DOLPP1: variants seen among roughly 807,000 people sequenced by gnomAD.
DOLPP1 encodes dolichyl pyrophosphate phosphatase 1.
A neutral mutation model predicts 34.1 loss-of-function variants in DOLPP1; 15 were observed. That is an observed-to-expected ratio of 0.44 (90% CI 0.29 to 0.68). The LOEUF is 0.68. Among genes scored for constraint, DOLPP1 ranks in the 30% least tolerant of loss-of-function variants. DOLPP1 has a pLI of 0.12. For synonymous variants in DOLPP1, 130 were observed against 128.2 expected (o/e 1.01, Z -0.10); for missense variants, 249 against 307.1 (o/e 0.81, Z 1.41).
chr9:129,086,092 C>G (rs375684029), intron 5 of DOLPP1, 47 bp from the exon 6 acceptor site: 1 of 1,598,018 alleles, frequency 6.3e-7, no homozygotes, highest in African/African-American at 1.3e-5. Flanking sequence ...TTGTGCGGGC[C>G]TGTGTCTGAC....
chr9:129,085,921 C>T lies in DOLPP1; in HGVS notation c.462-218C>T, dbSNP rs970493761. Among the ~76,000 whole-genome samples the T allele has an allele frequency of 6.6e-6, 1 of 152,240 alleles. No homozygotes were observed. Among genetic ancestry groups the T allele is most frequent in the African/African-American group, 2.4e-5 (1 of 41,466 alleles). On this transcript the variant is annotated intron_variant, in intron 5 of 7. Transcript: ENST00000372546. The surrounding 1 kb of genome is among the most constrained non-coding windows in gnomAD (Gnocchi z 7.0). Reference sequence around the variant, plus strand: ...TAGATGGGAGGCAGGCAGATCCCAGCTGGCCCTTCACTGCTACAGATGGGA... The same window carrying T: ...TAGATGGGAGGCAGGCAGATCCCAGTTGGCCCTTCACTGCTACAGATGGGA...
chr9:129,087,115 T>C (rs1297427019), intron 7 of DOLPP1, among the ~76,000 whole-genome samples: 1 of 152,116 alleles, frequency 6.6e-6, no homozygotes, highest in East Asian at 1.9e-4. Flanking sequence ...GGCTCCTGTG[T>C]GTGGACATCC....
At chr9:129,084,615 C>A (rs964454203) in intron 1 of DOLPP1, 53 bp from the exon 2 acceptor site, 7 of 1,283,546 alleles carry the variant, frequency 5.5e-6, no homozygotes, top group Non-Finnish European at 8.0e-6. Flanking sequence ...GGGGCTGGTC[C>A]CTCTTCTGAT....
At position 129,089,041 on chromosome 9, in the gene DOLPP1, T is replaced by G; in HGVS notation, c.*34T>G. On this transcript the variant is annotated 3_prime_UTR_variant, in exon 8 of 8. Transcript: ENST00000372546. This position sits in a 1 kb window ranked among gnomAD's most constrained non-coding sequence, Gnocchi z 4.9. ...TGTGGCTGGGTCCAGCCTCCAGATCTGGCCCGCACGATGCCTTGCAGGATG... is the reference window on the plus strand; with the variant it reads ...TGTGGCTGGGTCCAGCCTCCAGATCGGGCCCGCACGATGCCTTGCAGGATG... 1 of 1,611,254 alleles carries G rather than the reference T, an allele frequency of 6.2e-7. No homozygotes were observed. The highest frequency in any genetic ancestry group is 8.5e-7 in the Non-Finnish European group (1 of 1,177,898).
In DOLPP1 at chr9:129,089,365, G is replaced by A. The variant is rs1294749817; in HGVS notation, c.*358G>A. 4.4e-6 allele frequency: 1 copy of A among 225,734 alleles called. No homozygotes were observed. Among genetic ancestry groups the A allele is most frequent in the Non-Finnish European group, 8.9e-6 (1 of 112,672 alleles). 14.0% of individuals were successfully genotyped at this position (225,734 alleles called of 1,614,324 possible). On this transcript the variant is annotated 3_prime_UTR_variant, in exon 8 of 8. Coordinates refer to ENST00000372546, the MANE Select transcript of DOLPP1 (RefSeq NM_020438.5). This position sits in a 1 kb window ranked among gnomAD's most constrained non-coding sequence, Gnocchi z 4.9. ...CCAGGAATTCCAGGTGGCGTGAGAA[G>A]TACACACTATTTATTTTTTGGTTTT...
At chr9:129,087,698 C>T (rs1275823545) in intron 7 of DOLPP1, among the ~76,000 whole-genome samples, 2 of 139,622 alleles carry the variant, frequency 1.4e-5, no homozygotes, top group Non-Finnish European at 3.1e-5. Context: ...CTGAGAGGGA[C>T]TGTGGGGCGG....
chr9:129,085,319 C>G lies in DOLPP1; in HGVS notation c.362+13C>G. On this transcript the variant is annotated intron_variant, in intron 4 of 7. Transcript: ENST00000372546. The surrounding 1 kb of genome is among the most constrained non-coding windows in gnomAD (Gnocchi z 7.0). The stretch of plus-strand genomic sequence containing the variant: ...TCCTGTATTTAAGGTGAGTTTCCAC[C>G]CCGGTCAGGATGGCCCTGAACTTGC... 1 of 1,610,590 alleles carries G rather than the reference C, an allele frequency of 6.2e-7. No homozygotes were observed. Among genetic ancestry groups the G allele is most frequent in the Non-Finnish European group, 8.5e-7 (1 of 1,176,926 alleles).
intron 1 of DOLPP1, among the ~76,000 whole-genome samples, chr9:129,081,679 C>T (rs913301961): frequency 4.6e-5 from 7 of 152,212 alleles, no homozygotes; most frequent in Admixed American, 4.6e-4. Flanking sequence ...CGAAGCCAGG[C>T]TTTTGAGTAC....
intron 7 of DOLPP1, among the ~76,000 whole-genome samples, chr9:129,088,044 G>T (rs1189285002): frequency 6.6e-6 from 1 of 151,212 alleles, no homozygotes; most frequent in Non-Finnish European, 1.5e-5. Flanking sequence ...ACGGCAGGCA[G>T]GGAAGAGCTG....
Position 129,090,338 on chromosome 9 carries a change from T to C in DOLPP1, c.*1331T>C, listed in dbSNP as rs575907298. 1.3e-5 allele frequency: 2 copies of C among 152,646 alleles called. No individual in the cohort carries two copies. The highest frequency in any genetic ancestry group is 2.4e-5 in the African/African-American group (1 of 41,462). The allele number at this position is 152,646 out of a possible 1,614,324, so 9.5% of individuals were successfully genotyped here. ...TTTCCCTCCCGTTATTTTTATTTTT[T>C]ACTTTTTGCCTGAGACAAGCCGAGT... On this transcript the variant is annotated 3_prime_UTR_variant, in exon 8 of 8. Transcript: ENST00000372546.
At chr9:129,083,206 A>G (rs1846922972) in intron 1 of DOLPP1, among the ~76,000 whole-genome samples, 1 of 152,178 alleles carries the variant, frequency 6.6e-6, no homozygotes, top group African/African-American at 2.4e-5. Flanking sequence ...GGCTTGGATC[A>G]GAGAGTAGAG....
Position 129,086,758 on chromosome 9 carries a change from G to T in DOLPP1, c.640G>T (p.Val214Leu). 6.2e-7 allele frequency: 1 copy of T among 1,613,876 alleles called. No homozygotes were observed. Among genetic ancestry groups the T allele is most frequent in the Non-Finnish European group, 8.5e-7 (1 of 1,180,004 alleles). The change falls in exon 7 of 8, where the codon GTA (valine) becomes TTA (leucine). Residue 214 changes from valine (V) to leucine (L), a missense_variant. Physicochemically the swap from Val to Leu is conservative, Grantham distance 32. Transcript: ENST00000372546. ...CCGAGACACAAGCCTCATTCCCAACGTACTCTGGTTTGAGTACACGGTAAC... is the reference window on the plus strand; with the variant it reads ...CCGAGACACAAGCCTCATTCCCAACTTACTCTGGTTTGAGTACACGGTAAC... Reference protein sequence around the residue: ...LIRDTSLIPNVLWFEYTVTRA... With the variant: ...LIRDTSLIPNLLWFEYTVTRA...
At chr9:129,084,521 C>T (rs1564148763) in intron 1 of DOLPP1, 147 bp from the exon 2 acceptor site, 6 of 721,822 alleles carry the variant, frequency 8.3e-6, no homozygotes, top group South Asian at 1.5e-5. Flanking sequence ...CACAATCGGC[C>T]GGTAAACAGG....
rs1237627352 is a variant in DOLPP1, at chr9:129,086,005, G to A, written c.462-134G>A. ...GGAAATGGATCTGAGGCTGTGCCCC[G>A]TGGAGTCAGTGTCCTGTCTGTGTCT... On this transcript the variant is annotated intron_variant, in intron 5 of 7. Coordinates refer to ENST00000372546, the MANE Select transcript of DOLPP1 (RefSeq NM_020438.5). 3.5e-5 allele frequency: 29 copies of A among 836,198 alleles called. No individual in the cohort carries two copies. The Admixed American group carries it at 4.8e-4, about 14-fold the overall frequency. The allele number at this position is 836,198 out of a possible 1,614,324, so 51.8% of individuals were successfully genotyped here.
rs1846968234 is a variant in DOLPP1 at position 129,085,301 on chromosome 9, T to C, written c.357T>C (p.Tyr119=). The C allele has an allele frequency of 6.2e-7, 1 of 1,613,642 alleles. No homozygotes were observed. Among genetic ancestry groups the C allele is most frequent in the African/African-American group, 1.3e-5 (1 of 74,930 alleles). Residue 119 remains tyrosine, a synonymous_variant, in exon 4 of 8, where the codon TAT becomes TAC. Transcript: ENST00000372546. The surrounding 1 kb of genome is among the most constrained non-coding windows in gnomAD (Gnocchi z 7.0). ...FFSVYSFLFL[Y]LRMHQTNNAR... ...CCGTCTATTCCTTCCTTTTCCTGTA[T>C]TTAAGGTGAGTTTCCACCCCGGTCA...
rs1846978156 is a variant in DOLPP1 at position 129,085,801 on chromosome 9, C to T, written c.461+185C>T. On this transcript the variant is annotated intron_variant, in intron 5 of 7. Transcript: ENST00000372546. This position sits in a 1 kb window ranked among gnomAD's most constrained non-coding sequence, Gnocchi z 7.0. ...GCTGCCTCTTCTAGCCCAGTCCGCACTGAGCCCAAGATTCTGGGACCAACT... is the reference window on the plus strand; with the variant it reads ...GCTGCCTCTTCTAGCCCAGTCCGCATTGAGCCCAAGATTCTGGGACCAACT... Among the ~76,000 whole-genome samples, 1 of 152,256 alleles carries T rather than the reference C, an allele frequency of 6.6e-6. No individual in the cohort carries two copies. The highest frequency in any genetic ancestry group is 1.5e-5 in the Non-Finnish European group (1 of 68,038).
intron 1 of DOLPP1, 183 bp from the exon 2 acceptor site, chr9:129,084,485 A>G (rs1258977881): frequency 7.3e-6 from 5 of 684,710 alleles, no homozygotes; most frequent in Non-Finnish European, 1.3e-5. Flanking sequence ...AGTAGACAGC[A>G]TCACGTATGG....
At position 129,084,513 on chromosome 9, in the gene DOLPP1, C is replaced by A. The variant is rs1419986534; in HGVS notation, c.77-155C>A. 8.4e-6 allele frequency: 6 copies of A among 712,028 alleles called. No individual in the cohort carries two copies. The Admixed American group carries it at 1.1e-4, about 14-fold the overall frequency. The allele number at this position is 712,028 out of a possible 1,614,324, so 44.1% of individuals were successfully genotyped here. A position where few individuals can be genotyped will look rare whatever the true frequency, so the allele number is the denominator to read the frequency against. ...ACGTATGGCTGTGACTGAGTTGGCA[C>A]AATCGGCCGGTAAACAGGTGTCCCT... On this transcript the variant is annotated intron_variant, in intron 1 of 7. Coordinates refer to ENST00000372546, the MANE Select transcript of DOLPP1 (RefSeq NM_020438.5).
intron 1 of DOLPP1, 50 bp downstream of exon 1, chr9:129,081,257 A>G (rs749614021): frequency 6.3e-7 from 1 of 1,596,364 alleles, no homozygotes; most frequent in East Asian, 2.3e-5. Context: ...ACGGCCTCTC[A>G]GTCCCGGGCG....
Sources: allele counts gnomAD v4.1 joint callset (sites outside exome capture counted in the v4.1 genomes callset), GRCh38; gene constraint gnomAD v4.1.1; non-coding constraint Gnocchi (gnomAD v3.1); transcripts MANE v1.5; gene names NCBI Gene and HGNC (gene_info 2026-07-23, HGNC 2026-07-21).